ZFTA: variants seen among roughly 807,000 people sequenced by gnomAD.
ZFTA encodes zinc finger translocation-associated protein.
A neutral mutation model predicts 41.8 loss-of-function variants in ZFTA; 35 were observed. The ratio of observed to expected loss-of-function variants is 0.84; its 90% confidence interval spans 0.64 to 1.11. The LOEUF is 1.11. Among genes scored for constraint, ZFTA ranks in the 50% most tolerant of loss-of-function variants. The pLI, the probability that ZFTA is intolerant of heterozygous loss-of-function variation, is 0.00. For synonymous variants in ZFTA, 514 were observed against 436.4 expected, an observed-to-expected ratio of 1.18 and a Z score of -2.22; for missense variants, 964 against 989.8, an observed-to-expected ratio of 0.97 and a Z score of 0.35.
chr11:63,762,804 G>T lies in ZFTA; in HGVS notation c.*614C>A, dbSNP rs1298058019. 10 of 152,064 alleles carry T rather than the reference G, an allele frequency of 6.6e-5. No homozygotes were observed. Among genetic ancestry groups the T allele is most frequent in the Admixed American group, 6.5e-4 (10 of 15,280 alleles). 9.4% of individuals were successfully genotyped at this position (152,064 alleles called of 1,614,324 possible). A position where few individuals can be genotyped will look rare whatever the true frequency, so the allele number is the denominator to read the frequency against. ...CCCCGGGCGCGTAGCCCCGCCCTCG[G>T]TCCAACGCGCCTTCCCACCCCGGGA... On this transcript the variant is annotated 3_prime_UTR_variant, in exon 5 of 5. Transcript: ENST00000433688.
intron 1 of ZFTA, among the ~76,000 whole-genome samples, chr11:63,766,828 C>T (rs1226718994): frequency 6.6e-6 from 1 of 152,222 alleles, no homozygotes; most frequent in Non-Finnish European, 1.5e-5. Context: ...TCCTGAGACT[C>T]CCATTTTGGG....
In ZFTA at chr11:63,760,063, A is replaced by C. The variant is rs1343330447; in HGVS notation, c.*3355T>G. 6.6e-6 allele frequency: 1 copy of C among 152,194 alleles called. No individual in the cohort carries two copies. The highest frequency in any genetic ancestry group is 1.5e-5 in the Non-Finnish European group (1 of 68,044). 9.4% of individuals were successfully genotyped at this position (152,194 alleles called of 1,614,324 possible). The stretch of plus-strand genomic sequence containing the variant: ...AGACTGCAGAATTTAGTTGTACAGC[A>C]TAACTGTGCATTTGATCTCTGAAAG... On this transcript the variant is annotated 3_prime_UTR_variant, in exon 5 of 5. Coordinates refer to ENST00000433688, the MANE Select transcript of ZFTA (RefSeq NM_001144936.2).
At position 63,762,847 on chromosome 11, in the gene ZFTA, G is replaced by T. The variant is rs537838272; in HGVS notation, c.*571C>A. 4 of 152,148 alleles carry T rather than the reference G, an allele frequency of 2.6e-5. No individual in the cohort carries two copies. In the East Asian group the frequency reaches 7.8e-4, roughly 30 times the overall value. The allele number at this position is 152,148 out of a possible 1,614,324, so 9.4% of individuals were successfully genotyped here. A position where few individuals can be genotyped will look rare whatever the true frequency, so the allele number is the denominator to read the frequency against. ...CCCCGGGAAGGCTCCCGAGCCCTGC[G>T]GCCCAGCCTCCCGCTGGAAGCCCCA... On this transcript the variant is annotated 3_prime_UTR_variant, in exon 5 of 5. Coordinates refer to ENST00000433688, the MANE Select transcript of ZFTA (RefSeq NM_001144936.2).
chr11:63,763,996 G>C lies in ZFTA; in HGVS notation c.1585+42C>G, dbSNP rs377366978. On this transcript the variant is annotated intron_variant, in intron 4 of 4. Coordinates refer to ENST00000433688, the MANE Select transcript of ZFTA (RefSeq NM_001144936.2). ...TCCAGTCCCTTCTGCCCCAGCAACT[G>C]CCCGGCTCTCCCTCTCCGCCTGCTC... The C allele has an allele frequency of 1.0e-5, 13 of 1,298,194 alleles. No homozygotes were observed. The South Asian group carries it at 1.8e-4, about 18-fold the overall frequency. 80.4% of individuals were successfully genotyped at this position (1,298,194 alleles called of 1,614,324 possible).
intron 1 of ZFTA, among the ~76,000 whole-genome samples, chr11:63,766,758 G>A (rs893889791): frequency 3.9e-5 from 6 of 152,084 alleles, no homozygotes; most frequent in African/African-American, 1.2e-4. Context: ...TGGGGCCCCC[G>A]CCAGGAGGGC....
chr11:63,764,587 C>G lies in ZFTA; in HGVS notation c.1036G>C (p.Ala346Pro). Residue 346 changes from alanine to proline, a missense_variant, in exon 4 of 5, where the codon GCC (alanine) becomes CCC (proline). By Grantham distance (27) the Ala-to-Pro change is conservative. Around this residue, in one of 5 missense-constraint regions of ZFTA, gnomAD observed 584 missense variants for 523.1 expected, o/e 1.12. Coordinates refer to ENST00000433688, the MANE Select transcript of ZFTA (RefSeq NM_001144936.2). ...LTQSPPGDDL[A>P]PQDLTGKSRD... is the part of the protein sequence containing the mutation. ...CTCTTTCCGGTCAGGTCCTGGGGGG[C>G]GAGGTCATCGCCTGTTGGGGAAGGG... 4.8e-6 allele frequency: 6 copies of G among 1,254,792 alleles called. No individual in the cohort carries two copies. Among genetic ancestry groups the G allele is most frequent in the Non-Finnish European group, 6.0e-6 (6 of 996,732 alleles). 77.7% of individuals were successfully genotyped at this position (1,254,792 alleles called of 1,614,324 possible). A position where few individuals can be genotyped will look rare whatever the true frequency, so the allele number is the denominator to read the frequency against.
In ZFTA at chr11:63,764,041, A is replaced by T; in HGVS notation, c.1582T>A (p.Trp528Arg). 7.8e-7 allele frequency: 1 copy of T among 1,287,744 alleles called. No individual in the cohort carries two copies. The highest frequency in any genetic ancestry group is 9.9e-7 in the Non-Finnish European group (1 of 1,013,324). 79.8% of individuals were successfully genotyped at this position (1,287,744 alleles called of 1,614,324 possible). A position where few individuals can be genotyped will look rare whatever the true frequency, so the allele number is the denominator to read the frequency against. The change falls in exon 4 of 5, where the codon TGG becomes AGG. Residue 528 changes from tryptophan to arginine, a missense_variant. This residue lies in a region of ZFTA where 584 missense variants were observed against 523.1 expected (regional missense o/e 1.12). Coordinates refer to ENST00000433688, the MANE Select transcript of ZFTA (RefSeq NM_001144936.2). The stretch of plus-strand genomic sequence containing the variant: ...CTGCTCTGGCCCCACCGCTCACCCC[A>T]CTCCTCCTCCTCCTCCTCTGGCTCC... ...EEEPEEEEEE[W>R]GDVPLSPGAP...
intron 1 of ZFTA, among the ~76,000 whole-genome samples, chr11:63,766,713 T>C (rs947581585): frequency 1.3e-5 from 2 of 152,108 alleles, no homozygotes; most frequent in African/African-American, 2.4e-5. Flanking sequence ...GGGGCATCTG[T>C]CTACAGCCAG....
chr11:63,763,022 C>G lies in ZFTA; in HGVS notation c.*396G>C, dbSNP rs948793765. The G allele has an allele frequency of 6.6e-6, 1 of 152,428 alleles. No individual in the cohort carries two copies. The highest frequency in any genetic ancestry group is 6.5e-5 in the Admixed American group (1 of 15,288). 9.4% of individuals were successfully genotyped at this position (152,428 alleles called of 1,614,324 possible). A position where few individuals can be genotyped will look rare whatever the true frequency, so the allele number is the denominator to read the frequency against. On this transcript the variant is annotated 3_prime_UTR_variant, in exon 5 of 5. Coordinates refer to ENST00000433688, the MANE Select transcript of ZFTA (RefSeq NM_001144936.2). ...CCAGAGCCAGAGCCCGCACGGCCCC[C>G]CTTCGGCCCTAATACTGACTGACGG...
chr11:63,767,825 A>T (rs1344877516), intron 1 of ZFTA, among the ~76,000 whole-genome samples: 2 of 152,120 alleles, frequency 1.3e-5, no homozygotes, highest in Non-Finnish European at 2.9e-5. Flanking sequence ...AAAAATTCTG[A>T]AAAGAAGGGA....
At chr11:63,768,070 A>C (rs1460820904) in intron 1 of ZFTA, among the ~76,000 whole-genome samples, 1 of 152,008 alleles carries the variant, frequency 6.6e-6, no homozygotes, top group African/African-American at 2.4e-5. Flanking sequence ...TCCGCTGGGG[A>C]AAAGCCCCCG....
chr11:63,763,277 C>T lies in ZFTA; in HGVS notation c.*141G>A. On this transcript the variant is annotated 3_prime_UTR_variant, in exon 5 of 5. Transcript: ENST00000433688. ...CCCCACCCGATCCCCCGTCTCCGCC[C>T]GGCCCGGCCAGCGGGGGGCGCGGCC... 1.9e-6 allele frequency: 1 copy of T among 523,912 alleles called. No individual in the cohort carries two copies. Among genetic ancestry groups the T allele is most frequent in the Non-Finnish European group, 2.6e-6 (1 of 385,170 alleles). 32.5% of individuals were successfully genotyped at this position (523,912 alleles called of 1,614,324 possible).
In ZFTA at chr11:63,765,829, TG is replaced by T; in HGVS notation, c.614del (p.Pro205GlnfsTer56). On this transcript the variant is annotated frameshift_variant, in exon 2 of 5. Transcript: ENST00000433688. LOFTEE classifies it high-confidence loss of function. The surrounding 1 kb of genome is among the most constrained non-coding windows in gnomAD (Gnocchi z 4.0). ...TACCTGGGCCCTTGGGCGGGCAAGC[TG>T]GGACACCGGCCCCCTCCTCCTCCTC... Reference protein sequence around the residue: ...EEEEEEGAGVPACPPKGPGKA... With the variant: ...EEEEEEGAGVXACPPKGPGKA... 6.7e-7 allele frequency: 1 copy of T among 1,490,074 alleles called. No individual in the cohort carries two copies. Among genetic ancestry groups the T allele is most frequent in the Non-Finnish European group, 8.9e-7 (1 of 1,120,918 alleles). The allele number at this position is 1,490,074 out of a possible 1,614,324, so 92.3% of individuals were successfully genotyped here. A position where few individuals can be genotyped will look rare whatever the true frequency, so the allele number is the denominator to read the frequency against.
At position 63,766,016 on chromosome 11, in the gene ZFTA, CGCTTGATGGTGCTGA is replaced by C. The variant is rs1455231762; in HGVS notation, c.413_427del (p.Leu138_Lys142del). The C allele has an allele frequency of 6.4e-7, 1 of 1,551,302 alleles. No individual in the cohort carries two copies. The highest frequency in any genetic ancestry group is 8.7e-7 in the Non-Finnish European group (1 of 1,146,862). On this transcript the variant is annotated inframe_deletion, in exon 2 of 5. Transcript: ENST00000433688. ...GTAGGGGTGCTTTTGGCGGATGTGG[CGCTTGATGGTGCTGA>C]GCTTGAGGGTGGCCAGGGAGCTGCC... is the stretch of plus-strand genomic sequence containing the variant.
At chr11:63,768,437 TC>T (rs1275254523) in intron 1 of ZFTA, 46 bp downstream of exon 1, 2 of 1,063,402 alleles carry the variant, frequency 1.9e-6, no homozygotes, top group Non-Finnish European at 2.3e-6. Flanking sequence ...AGCCCTCCCT[TC>T]CCCCACGCCG....
rs2014733857 is a variant in ZFTA at position 63,765,755 on chromosome 11, GC to G, written c.637+51del. ...CTTGGCAGAGCAGCTGGCCCACTGTGCCCCACTGGCCACCCAGGCCCCTGCC... is the reference window on the plus strand; with the variant it reads ...CTTGGCAGAGCAGCTGGCCCACTGTGCCCACTGGCCACCCAGGCCCCTGCC... On this transcript the variant is annotated intron_variant, in intron 2 of 4. Transcript: ENST00000433688. The surrounding 1 kb of genome is among the most constrained non-coding windows in gnomAD (Gnocchi z 4.0). 7.0e-6 allele frequency: 10 copies of G among 1,433,004 alleles called. No homozygotes were observed. The highest frequency in any genetic ancestry group is 6.4e-6 in the Non-Finnish European group (7 of 1,095,956). 88.8% of individuals were successfully genotyped at this position (1,433,004 alleles called of 1,614,324 possible). A position where few individuals can be genotyped will look rare whatever the true frequency, so the allele number is the denominator to read the frequency against.
Position 63,763,567 on chromosome 11 carries a change from C to T in ZFTA, c.1888G>A (p.Asp630Asn), listed in dbSNP as rs1590909156. 1 of 1,548,264 alleles carries T rather than the reference C, an allele frequency of 6.5e-7. No homozygotes were observed. The highest frequency in any genetic ancestry group is 8.7e-7 in the Non-Finnish European group (1 of 1,145,142). The change falls in exon 5 of 5, where the codon GAC (aspartate) becomes AAC (asparagine). Residue 630 changes from aspartate (D) to asparagine (N), a missense_variant. Physicochemically the swap from Asp to Asn is conservative, Grantham distance 23. Coordinates refer to ENST00000433688, the MANE Select transcript of ZFTA (RefSeq NM_001144936.2). The part of the protein sequence containing the change: ...HILQVHPFSM[D>N]FTPEERQTIL... ...GTCTGGCGCTCCTCAGGCGTGAAGT[C>T]CATGGAGAAGGGGTGCACCTGCAGG...
chr11:63,766,206 A>G lies in ZFTA; in HGVS notation c.238T>C (p.Tyr80His), dbSNP rs1314507268. 18 of 1,535,612 alleles carry G rather than the reference A, an allele frequency of 1.2e-5. No individual in the cohort carries two copies. The highest frequency in any genetic ancestry group is 1.6e-5 in the Non-Finnish European group (18 of 1,140,672). ...GCCCGGGCCTCACAGTGGTCTGAAT[A>G]TTTCCTGCCTGAAGATGCTGGTCCC... ...ARGPASSGRK[Y>H]SDHCEARASR... Residue 80 changes from tyrosine (Y) to histidine (H), a missense_variant, in exon 2 of 5, where the codon TAT becomes CAT. Tyr to His is a moderately conservative substitution (Grantham distance 83). Transcript: ENST00000433688.
Position 63,765,233 on chromosome 11 carries a change from C to T in ZFTA, c.659G>A (p.Gly220Asp), listed in dbSNP as rs775507989. ...GCCCCCTCGCCGCTGGCGCCGGCAG[C>T]CCCCACCAGCTGGGGCTTTGCCTGA... ...KGPGKAPAGG[G>D]CRRQRRGGPV... is the part of the protein sequence containing the mutation. Residue 220 changes from glycine to aspartate, a missense_variant, in exon 3 of 5, where the codon GGC becomes GAC. Physicochemically the swap from Gly to Asp is moderately conservative, Grantham distance 94 (BLOSUM62 -1). Around this residue, in one of 5 missense-constraint regions of ZFTA, gnomAD observed 141 missense variants for 216.7 expected, o/e 0.65. Transcript: ENST00000433688. This position sits in a 1 kb window ranked among gnomAD's most constrained non-coding sequence, Gnocchi z 4.0. 54 of 1,456,760 alleles carry T rather than the reference C, an allele frequency of 3.7e-5. No homozygotes were observed. The highest frequency in any genetic ancestry group is 4.7e-5 in the Non-Finnish European group (52 of 1,111,378). The allele number at this position is 1,456,760 out of a possible 1,614,324, so 90.2% of individuals were successfully genotyped here.
Sources: gnomAD v4.1 joint callset for allele counts (sites outside exome capture counted in the v4.1 genomes callset) on GRCh38, gnomAD v4.1.1 for gene constraint, gnomAD v4.1.1 regional missense constraint, Gnocchi (gnomAD v3.1) non-coding constraint, MANE v1.5 for transcripts, NCBI Gene and HGNC (gene_info 2026-07-23, HGNC 2026-07-21) for gene names.